Variants in AGBL1 observed in about 807,000 individuals in gnomAD.
AGBL1 encodes the protein cytosolic carboxypeptidase 4.
In AGBL1, 130 loss-of-function variants were observed where a neutral mutation model predicts 118.9. The ratio of observed to expected loss-of-function variants is 1.09; its 90% CI spans 0.95 to 1.26. The LOEUF (loss-of-function observed/expected upper bound fraction) is 1.26. Ranked by LOEUF, AGBL1 falls within the 50% of genes most tolerant of loss-of-function variation. AGBL1 has a pLI of 0.00. For synonymous variants in AGBL1, 555 were observed against 478.9 expected, an observed-to-expected ratio of 1.16 and a Z score of -2.08; for missense variants, 1,584 against 1,298.1, an observed-to-expected ratio of 1.22 and a Z score of -3.38.
chr15:86,862,657 T>C (rs1159427010), intron 22 of AGBL1, among the ~76,000 whole-genome samples: 2 of 152,140 alleles, frequency 1.3e-5, no homozygotes, highest in East Asian at 3.9e-4. Flanking sequence ...GAGGCAAAGG[T>C]CACAGTGAGC....
rs1232485504 is a variant in AGBL1, at chr15:86,916,070, G to A, written c.*8776G>A. ...TCCTGTCTACATTAGCATTCACCCC[G>A]GGTGTCTATAATTAAGCAAGCCTAA... On this transcript the variant is annotated 3_prime_UTR_variant, in exon 23 of 23. Coordinates refer to ENST00000614907, the MANE Select transcript of AGBL1 (RefSeq NM_001386094.1). The A allele has an allele frequency of 6.6e-6, 1 of 152,196 alleles. No individual in the cohort carries two copies. The highest frequency in any genetic ancestry group is 1.5e-5 in the Non-Finnish European group (1 of 68,058). The allele number at this position is 152,196 out of a possible 1,614,324, so 9.4% of individuals were successfully genotyped here.
intron 23 of AGBL1, among the ~76,000 whole-genome samples, chr15:86,958,442 A>T (rs74027190): frequency 2.7e-3 from 412 of 152,202 alleles, no homozygotes; most frequent in African/African-American, 9.1e-3. Context: ...GACAAGAAAA[A>T]TAATTATAAA....
At position 86,546,027 on chromosome 15, in the gene AGBL1, C is replaced by A; in HGVS notation, c.2711C>A (p.Ser904Tyr). 2 of 1,613,194 alleles carry A rather than the reference C, an allele frequency of 1.2e-6. No homozygotes were observed. The highest frequency in any genetic ancestry group is 2.2e-5 in the East Asian group (1 of 44,866). Residue 904 changes from serine to tyrosine, a missense_variant, in exon 20 of 23, where the codon TCC becomes TAC. By Grantham distance (144) the Ser-to-Tyr change is moderately radical (BLOSUM62 -2). Transcript: ENST00000614907. ...PVVFCDFHGH[S>Y]QKKNVFLYGC... ...GTTTTCTGTGACTTCCATGGCCACTCCCAAAAGAAGAATGTGTTCCTTTAT... is the reference window on the plus strand; with the variant it reads ...GTTTTCTGTGACTTCCATGGCCACTACCAAAAGAAGAATGTGTTCCTTTAT...
At chr15:86,813,911 A>G (rs1000377508) in intron 22 of AGBL1, among the ~76,000 whole-genome samples, 2 of 152,178 alleles carry the variant, frequency 1.3e-5, no homozygotes, top group Non-Finnish European at 2.9e-5. Flanking sequence ...CTTTTTCCAC[A>G]TAGAATTGAC....
At chr15:86,234,983 T>C (rs929084019) in intron 6 of AGBL1, among the ~76,000 whole-genome samples, 1 of 152,212 alleles carries the variant, frequency 6.6e-6, no homozygotes, top group Non-Finnish European at 1.5e-5. Context: ...AGAAGCTTTT[T>C]CTGTAAAAGC....
chr15:86,158,659 C>A (rs1057341477), intron 4 of AGBL1, among the ~76,000 whole-genome samples: 4 of 152,080 alleles, frequency 2.6e-5, no homozygotes, highest in African/African-American at 9.7e-5. Context: ...CCCAATTGGC[C>A]AAAAAGGCAA....
At chr15:86,303,056 G>C (rs1034979240) in intron 17 of AGBL1, among the ~76,000 whole-genome samples, 1 of 152,138 alleles carries the variant, frequency 6.6e-6, no homozygotes, top group Admixed American at 6.6e-5. Context: ...TGGTGTCATG[G>C]AGTCCAGCAC....
intron 22 of AGBL1, among the ~76,000 whole-genome samples, chr15:86,891,874 G>T (rs983558122): frequency 6.6e-6 from 1 of 152,128 alleles, no homozygotes; most frequent in African/African-American, 2.4e-5. Flanking sequence ...AATGTGGTTT[G>T]GTTCAGTGGA....
chr15:87,028,867 T>C (rs928372252), exon 25 of AGBL1: 3 of 1,596,714 alleles, frequency 1.9e-6, no homozygotes, highest in African/African-American at 2.7e-5. Context: ...TGAGCAAGTA[T>C]TGAAGTTCAT....
chr15:87,013,702 A>T (rs1049354494), intron 24 of AGBL1, among the ~76,000 whole-genome samples: 11 of 152,182 alleles, frequency 7.2e-5, no homozygotes, highest in African/African-American at 2.4e-4. Flanking sequence ...CTTCTAGAAG[A>T]CTTACATGAG....
At chr15:86,770,752 G>T (rs182114521) in intron 22 of AGBL1, among the ~76,000 whole-genome samples, 1 of 152,084 alleles carries the variant, frequency 6.6e-6, no homozygotes, top group Non-Finnish European at 1.5e-5. Flanking sequence ...TCCTGCTAGA[G>T]AACTTTGTGT....
chr15:86,398,792 G>C (rs950045912), intron 18 of AGBL1, among the ~76,000 whole-genome samples: 1 of 151,984 alleles, frequency 6.6e-6, no homozygotes, highest in African/African-American at 2.4e-5. Flanking sequence ...GTATGAAGAT[G>C]ATAAATTACA....
intron 17 of AGBL1, among the ~76,000 whole-genome samples, chr15:86,328,276 T>C (rs1347818688): frequency 1.3e-5 from 2 of 152,176 alleles, no homozygotes; most frequent in East Asian, 3.9e-4. Flanking sequence ...TTAACAATTA[T>C]AAATAAATTG....
chr15:86,315,968 C>T (rs1204093597), intron 17 of AGBL1, among the ~76,000 whole-genome samples: 2 of 152,176 alleles, frequency 1.3e-5, no homozygotes, highest in Non-Finnish European at 2.9e-5. Context: ...CAGGAAAAAA[C>T]CTTATCTATA....
intron 22 of AGBL1, among the ~76,000 whole-genome samples, chr15:86,821,449 C>T (rs1427905703): frequency 6.6e-6 from 1 of 151,932 alleles, no homozygotes; most frequent in Non-Finnish European, 1.5e-5. Flanking sequence ...TTTTGGTCTT[C>T]GTGAAAAAAC....
chr15:86,270,232 T>C (rs1373607597), intron 14 of AGBL1, among the ~76,000 whole-genome samples, 165 bp downstream of exon 14: 2 of 152,194 alleles, frequency 1.3e-5, no homozygotes, highest in African/African-American at 4.8e-5. Context: ...AGTGGCACAC[T>C]GCTACTTTAG....
At chr15:86,860,407 T>C (rs2079544609) in intron 22 of AGBL1, among the ~76,000 whole-genome samples, 1 of 150,864 alleles carries the variant, frequency 6.6e-6, no homozygotes, top group Non-Finnish European at 1.5e-5. Flanking sequence ...TCTCCTGGAA[T>C]ATATATATAT....
chr15:86,490,112 A>G (rs762931351), intron 18 of AGBL1, among the ~76,000 whole-genome samples: 1 of 152,090 alleles, frequency 6.6e-6, no homozygotes, highest in Non-Finnish European at 1.5e-5. Flanking sequence ...CAAGGCAGCT[A>G]TGACGTCCCG....
intron 18 of AGBL1, among the ~76,000 whole-genome samples, chr15:86,466,269 C>G (rs751365949): frequency 2.6e-5 from 4 of 152,052 alleles, no homozygotes; most frequent in Non-Finnish European, 5.9e-5. Context: ...ATTCTTTCTT[C>G]TGCTTCATCG....
Sources: gnomAD v4.1 joint callset for allele counts (sites outside exome capture counted in the v4.1 genomes callset) on GRCh38, gnomAD v4.1.1 for gene constraint, MANE v1.5 for transcripts, NCBI Gene and HGNC (gene_info 2026-07-23, HGNC 2026-07-21) for gene names.